Variants in ATRN observed in about 807,000 individuals in gnomAD.
ATRN encodes attractin-2.
In ATRN, 54 loss-of-function variants were observed where a neutral mutation model predicts 178.7. That is an observed-to-expected ratio of 0.30 (90% confidence interval 0.24 to 0.38). ATRN has a LOEUF of 0.38. ATRN is among the 10% of genes least tolerant of loss of function. ATRN has a pLI of 1.00. For synonymous variants in ATRN, 636 were observed against 663.0 expected (o/e 0.96, Z 0.63); for missense variants, 1,443 against 1,815.1 (o/e 0.79, Z 3.73).
At chr20:3,637,818 G>C (rs1339013281) in intron 26 of ATRN, among the ~76,000 whole-genome samples, 1 of 152,186 alleles carries the variant, frequency 6.6e-6, no homozygotes, top group Non-Finnish European at 1.5e-5. Context: ...ATTGGAGCAG[G>C]AGTTCACATC....
At position 3,563,351 on chromosome 20, in the gene ATRN, G is replaced by A. The variant is rs1357529437; in HGVS notation, c.1774G>A (p.Ala592Thr). Residue 592 changes from alanine to threonine, a missense_variant, in exon 10 of 29, where the codon GCC becomes ACC. By Grantham distance (58) the Ala-to-Thr change is moderately conservative. Transcript: ENST00000262919. ...CAAATGCTTCTCTTCAGATTTCATG[G>A]CCTATGACATTGGTAAGTTTCCCAA... is the stretch of plus-strand genomic sequence containing the variant. ...GAKCFSSDFMAYDIACDRWSV... is the reference protein window; with the variant it reads ...GAKCFSSDFMTYDIACDRWSV... 1.2e-6 allele frequency: 2 copies of A among 1,613,352 alleles called. No individual in the cohort carries two copies. The highest frequency in any genetic ancestry group is 4.5e-5 in the East Asian group (2 of 44,880).
chr20:3,560,644 T>G lies in ATRN; in HGVS notation c.1204-18T>G. 2.5e-6 allele frequency: 4 copies of G among 1,577,774 alleles called. No homozygotes were observed. Among genetic ancestry groups the G allele is most frequent in the Non-Finnish European group, 3.5e-6 (4 of 1,150,932 alleles). ...CTTTTCAATGTTTTTAAAAATTTTG[T>G]TTGCATTTTTTTCCTAGGATAAAAT... On this transcript the variant is annotated intron_variant, in intron 7 of 28. Coordinates refer to ENST00000262919, the MANE Select transcript of ATRN (RefSeq NM_139321.3).
intron 20 of ATRN, among the ~76,000 whole-genome samples, chr20:3,595,504 T>C (rs1245063132): frequency 6.6e-6 from 1 of 152,230 alleles, no homozygotes; most frequent in Non-Finnish European, 1.5e-5. Context: ...TTTACTAGCT[T>C]CATGTTGCCC....
intron 23 of ATRN, among the ~76,000 whole-genome samples, chr20:3,603,383 G>C (rs1402467279): frequency 1.3e-5 from 2 of 152,162 alleles, no homozygotes; most frequent in Non-Finnish European, 2.9e-5. Flanking sequence ...TTGTTAATAG[G>C]ATTCTAGTGG....
chr20:3,622,208 C>G (rs1196001690), intron 24 of ATRN, among the ~76,000 whole-genome samples: 1 of 152,204 alleles, frequency 6.6e-6, no homozygotes, highest in East Asian at 1.9e-4. Flanking sequence ...AAAGCAACAG[C>G]CAGGAAACTC....
At chr20:3,615,704 C>A in intron 24 of ATRN, 1 of 429,758 alleles carries the variant, frequency 2.3e-6, no homozygotes, top group Non-Finnish European at 4.7e-6. Context: ...TACAGGAACA[C>A]TTCACCACGC....
chr20:3,565,413 T>G lies in ATRN; in HGVS notation c.1852T>G (p.Ser618Ala). ...CCATGATGTCAACAGATTTGGCCAT[T>G]CAGCAGTCTTACACAACAGGTAATT... ...LHHDVNRFGHSAVLHNSTMYV... is the reference protein window; with the variant it reads ...LHHDVNRFGHAAVLHNSTMYV... Residue 618 changes from serine (S) to alanine (A), a missense_variant, in exon 11 of 29, where the codon TCA becomes GCA. Physicochemically the swap from Ser to Ala is moderately conservative, Grantham distance 99. Around this residue, in one of 4 missense-constraint regions of ATRN, gnomAD observed 862 missense variants for 972.1 expected, o/e 0.89. Transcript: ENST00000262919. 1 of 1,613,916 alleles carries G rather than the reference T, an allele frequency of 6.2e-7. No individual in the cohort carries two copies. The highest frequency in any genetic ancestry group is 8.5e-7 in the Non-Finnish European group (1 of 1,179,800).
chr20:3,578,935 A>G (rs532980843), intron 15 of ATRN, among the ~76,000 whole-genome samples, 163 bp downstream of exon 15: 88 of 152,296 alleles, frequency 5.8e-4, no homozygotes, highest in African/African-American at 2.0e-3. Flanking sequence ...GTGCTGTCAG[A>G]GTCTCTTCCT....
chr20:3,617,333 A>G (rs1276411711), intron 24 of ATRN, among the ~76,000 whole-genome samples: 5 of 152,180 alleles, frequency 3.3e-5, no homozygotes, highest in Non-Finnish European at 5.9e-5. Flanking sequence ...GCTCCTGTCA[A>G]TATTGAAATA....
At chr20:3,626,397 TAAAAAG>T (rs2086940129) in intron 25 of ATRN, among the ~76,000 whole-genome samples, 1 of 151,454 alleles carries the variant, frequency 6.6e-6, no homozygotes, top group East Asian at 1.9e-4. Flanking sequence ...TTTTCTCTCT[TAAAAAG>T]AAAAGTATAT....
intron 1 of ATRN, among the ~76,000 whole-genome samples, chr20:3,498,156 C>A (rs1488490659): frequency 6.6e-6 from 1 of 152,112 alleles, no homozygotes; most frequent in Admixed American, 6.6e-5. Flanking sequence ...TCTGAATAGA[C>A]CAATAACAGG....
At chr20:3,471,607 T>G in intron 1 of ATRN, 90 bp downstream of exon 1, 1 of 1,343,362 alleles carries the variant, frequency 7.4e-7, no homozygotes, top group Non-Finnish European at 9.5e-7. Flanking sequence ...AGGGAGATGC[T>G]GGACAGAAAG....
intron 14 of ATRN, 78 bp from the exon 15 acceptor site, chr20:3,578,504 C>T (rs754201570): frequency 7.8e-7 from 1 of 1,282,960 alleles, no homozygotes; most frequent in Non-Finnish European, 1.1e-6. Flanking sequence ...TTTCGGTATT[C>T]AGTAATTTGA....
At chr20:3,504,138 C>T (rs1049479401) in intron 1 of ATRN, among the ~76,000 whole-genome samples, 12 of 152,010 alleles carry the variant, frequency 7.9e-5, no homozygotes, top group African/African-American at 2.4e-4. Context: ...TTTTCAAGTG[C>T]GGAAATAAAA....
In ATRN at chr20:3,489,687, G is replaced by A. The variant is rs187311132; in HGVS notation, c.410+18170G>A. 952 of 1,571,636 alleles carry A rather than the reference G, an allele frequency of 6.1e-4. 4 individuals carry two copies. In the African/African-American group the frequency reaches 7.1e-3, roughly 12 times the overall value. On this transcript the variant is annotated intron_variant, in intron 1 of 28. Transcript: ENST00000262919. ...CAAGGAGACAGCATCTTCAATCTGC[G>A]TCACATTAGCAAAGTGAGCAGTGTT...
intron 2 of ATRN, among the ~76,000 whole-genome samples, chr20:3,537,974 T>C (rs530330840): frequency 6.6e-6 from 1 of 151,750 alleles, no homozygotes; most frequent in East Asian, 1.9e-4. Flanking sequence ...TTTTTTATTA[T>C]ACTTTAAGTT....
chr20:3,547,437 C>G lies in ATRN; in HGVS notation c.891C>G (p.Gly297=). The G allele has an allele frequency of 6.2e-7, 1 of 1,614,150 alleles. No homozygotes were observed. Among genetic ancestry groups the G allele is most frequent in the Non-Finnish European group, 8.5e-7 (1 of 1,179,984 alleles). ...ACAACTGTGGTTTTCCTCATCGAGG[C>G]ATCTGCAATTCAAGTGATGTCAGAG... ...CTDNCGFPHR[G]ICNSSDVRGC... is the part of the protein sequence containing the mutation. The change falls in exon 5 of 29, where the codon GGC becomes GGG. Residue 297 remains glycine (G), a synonymous_variant. Transcript: ENST00000262919.
intron 1 of ATRN, among the ~76,000 whole-genome samples, chr20:3,515,427 A>G (rs1202909699): frequency 6.6e-6 from 1 of 152,184 alleles, no homozygotes; most frequent in Admixed American, 6.5e-5. Context: ...TAGATTTACT[A>G]AAGTGAACTG....
At chr20:3,561,109 T>A in intron 8 of ATRN, among the ~76,000 whole-genome samples, 1 of 152,020 alleles carries the variant, frequency 6.6e-6, no homozygotes, top group East Asian at 1.9e-4. Flanking sequence ...TCACCTAAGG[T>A]CAGGAGTTCA....
Sources: gnomAD v4.1 joint callset for allele counts (sites outside exome capture counted in the v4.1 genomes callset) on GRCh38, gnomAD v4.1.1 for gene constraint, gnomAD v4.1.1 regional missense constraint, MANE v1.5 for transcripts, NCBI Gene and HGNC (gene_info 2026-07-23, HGNC 2026-07-21) for gene names.